Variants in CTNNA2 observed in about 807,000 individuals in gnomAD.
CTNNA2 encodes the protein catenin alpha-2.
Under a neutral mutation model 101.0 loss-of-function variants are expected in CTNNA2, and 42 were observed. The ratio of observed to expected loss-of-function variants is 0.42; its 90% confidence interval spans 0.32 to 0.54. The LOEUF is 0.54. Among genes scored for constraint, CTNNA2 ranks in the 20% least tolerant of loss-of-function variants. The pLI is 0.14. For missense variants in CTNNA2, 871 were observed against 1,223.1 expected (o/e 0.71, Z 4.29); for synonymous variants, 450 against 456.4 (o/e 0.99, Z 0.18).
At chr2:80,635,037 T>C (rs1175555657) in intron 18 of CTNNA2, among the ~76,000 whole-genome samples, 1 of 152,122 alleles carries the variant, frequency 6.6e-6, no homozygotes, top group East Asian at 1.9e-4. Flanking sequence ...TGTCAAGAGG[T>C]GGTCTTTGTG....
intron 2 of CTNNA2, among the ~76,000 whole-genome samples, chr2:79,653,217 A>C (rs1681378920): frequency 1.3e-5 from 2 of 152,150 alleles, no homozygotes; most frequent in Admixed American, 1.3e-4. Flanking sequence ...CCTAGTTCAG[A>C]ATTATTTCTT....
chr2:79,696,638 C>G, intron 2 of CTNNA2, among the ~76,000 whole-genome samples: 1 of 152,006 alleles, frequency 6.6e-6, no homozygotes, highest in East Asian at 1.9e-4. Context: ...ATGCCCATCT[C>G]CTTCTTCCGC....
intron 1 of CTNNA2, among the ~76,000 whole-genome samples, chr2:79,525,235 A>AC (rs1672339243): frequency 6.6e-6 from 1 of 151,930 alleles, no homozygotes; most frequent in Non-Finnish European, 1.5e-5. Flanking sequence ...TCCAGTTCGT[A>AC]CCCACATAGA....
intron 3 of CTNNA2, among the ~76,000 whole-genome samples, chr2:79,857,492 T>G (rs1681230939): frequency 6.6e-6 from 1 of 152,216 alleles, no homozygotes; most frequent in South Asian, 2.1e-4. Context: ...ATTGGCAAAT[T>G]GGTTACTAAG....
intron 7 of CTNNA2, among the ~76,000 whole-genome samples, chr2:80,023,560 C>T (rs1027672046): frequency 6.6e-6 from 1 of 152,038 alleles, no homozygotes; most frequent in Non-Finnish European, 1.5e-5. Context: ...TTCCAAAGTA[C>T]GTAGGACTTT....
At chr2:80,514,785 C>A (rs1175718942) in intron 9 of CTNNA2, among the ~76,000 whole-genome samples, 1 of 152,062 alleles carries the variant, frequency 6.6e-6, no homozygotes, top group Non-Finnish European at 1.5e-5. Context: ...AGTCTGGGAT[C>A]TTTATAGGCA....
At chr2:79,938,348 C>G (rs771732508) in intron 7 of CTNNA2, among the ~76,000 whole-genome samples, 22 of 152,192 alleles carry the variant, frequency 1.4e-4, no homozygotes, top group East Asian at 7.7e-4. Context: ...GTATCAGAAA[C>G]AGTGATGAAG....
intron 2 of CTNNA2, among the ~76,000 whole-genome samples, chr2:79,726,379 C>T (rs758113226): frequency 2.6e-5 from 4 of 152,168 alleles, no homozygotes; most frequent in Non-Finnish European, 5.9e-5. Flanking sequence ...CTGTTAGGAG[C>T]CCACAGCAGG....
chr2:80,626,711 T>C (rs1671717010), intron 18 of CTNNA2, among the ~76,000 whole-genome samples: 1 of 152,056 alleles, frequency 6.6e-6, no homozygotes. Flanking sequence ...AATCAAAATC[T>C]ATTCTTTTTT....
intron 1 of CTNNA2, among the ~76,000 whole-genome samples, chr2:79,606,373 T>C (rs369007150): frequency 1.4e-4 from 22 of 152,270 alleles, no homozygotes; most frequent in African/African-American, 5.1e-4. Context: ...GTTCATGCCA[T>C]TCTCCTGCCT....
At chr2:79,886,695 G>GAGC (rs1683894670) in intron 6 of CTNNA2, among the ~76,000 whole-genome samples, 2 of 120,358 alleles carry the variant, frequency 1.7e-5, no homozygotes, top group Admixed American at 1.0e-4. Flanking sequence ...AGCTTGCAGT[G>GAGC]AGCTGAGATC....
chr2:79,363,875 T>C (rs73940516), intron 3 of CTNNA2, among the ~76,000 whole-genome samples: 1 of 152,180 alleles, frequency 6.6e-6, no homozygotes, highest in African/African-American at 2.4e-5. Flanking sequence ...CAGGCTAGTA[T>C]GCAAATGAAA....
chr2:79,582,408 C>G (rs1344897399), intron 1 of CTNNA2, among the ~76,000 whole-genome samples: 1 of 152,154 alleles, frequency 6.6e-6, no homozygotes, highest in African/African-American at 2.4e-5. Context: ...TAGAACTACA[C>G]AAACTTTACC....
chr2:79,844,754 G>C (rs1022944525), intron 3 of CTNNA2, among the ~76,000 whole-genome samples: 2 of 152,112 alleles, frequency 1.3e-5, no homozygotes, highest in Admixed American at 1.3e-4. Flanking sequence ...ATTGATGCAG[G>C]CTTGCTCAAT....
intron 4 of CTNNA2, among the ~76,000 whole-genome samples, chr2:79,396,438 C>T (rs906702599): frequency 8.5e-5 from 13 of 152,186 alleles, no homozygotes; most frequent in Non-Finnish European, 1.6e-4. Flanking sequence ...GGATTACAAG[C>T]ATTGAATTTT....
intron 7 of CTNNA2, among the ~76,000 whole-genome samples, chr2:80,004,379 C>T (rs946354784): frequency 5.3e-5 from 8 of 152,002 alleles, no homozygotes; most frequent in Non-Finnish European, 1.0e-4. Flanking sequence ...TCAAAGGACC[C>T]AGGGAATTTA....
At chr2:80,386,468 T>C (rs982850226) in intron 7 of CTNNA2, among the ~76,000 whole-genome samples, 16 of 152,324 alleles carry the variant, frequency 1.1e-4, no homozygotes, top group African/African-American at 3.6e-4. Flanking sequence ...CTATAAATAA[T>C]GGTGCTATTT....
chr2:79,856,785 A>T lies in CTNNA2; in HGVS notation c.299-1228A>T, dbSNP rs573240600. Among the ~76,000 whole-genome samples the T allele has an allele frequency of 1.7e-4, 26 of 152,034 alleles. No individual in the cohort carries two copies. The South Asian group carries it at 5.4e-3, about 32-fold the overall frequency. On this transcript the variant is annotated intron_variant, in intron 3 of 18. Transcript: ENST00000402739. ...GTCTTCACATCTAGTCAGCCCTTAG[A>T]TCGGTTGGTTGTGTCACACAGATGC...
intron 8 of CTNNA2, among the ~76,000 whole-genome samples, chr2:80,395,425 T>A (rs1362693829): frequency 6.6e-6 from 1 of 152,188 alleles, no homozygotes; most frequent in Non-Finnish European, 1.5e-5. Flanking sequence ...ATGACGATGG[T>A]CCCCATCTGT....
Sources: gnomAD v4.1 joint callset for allele counts (sites outside exome capture counted in the v4.1 genomes callset) on GRCh38, gnomAD v4.1.1 for gene constraint, MANE v1.5 for transcripts, NCBI Gene and HGNC (gene_info 2026-07-23, HGNC 2026-07-21) for gene names.